ZNF185: variants seen among roughly 807,000 people sequenced by gnomAD.
ZNF185 encodes the protein zinc finger protein 185 with LIM domain, also known as zinc finger protein 185.
In ZNF185, 56 loss-of-function variants were observed where a neutral mutation model predicts 58.6. The ratio of observed to expected loss-of-function variants is 0.95; its 90% confidence interval spans 0.77 to 1.19. The LOEUF (loss-of-function observed/expected upper bound fraction) is 1.19, where lower values mean the gene tolerates loss of function less well. ZNF185 is among the 50% of genes most tolerant of loss of function. The pLI is 0.00. For missense variants in ZNF185, 627 were observed against 573.5 expected, an observed-to-expected ratio of 1.09 and a Z score of -0.95; for synonymous variants, 230 against 215.9, an observed-to-expected ratio of 1.07 and a Z score of -0.57.
intron 15 of ZNF185, chrX:152,941,776 G>C (rs1014977966): frequency 3.4e-6 from 4 of 1,163,302 alleles, no homozygotes; most frequent in Admixed American, 2.6e-5. Flanking sequence ...CCGGCCGCCA[G>C]AGGTCGCCCG....
upstream of ZNF185, among the ~76,000 whole-genome samples, chrX:152,909,736 T>C (rs1450474035): frequency 2.7e-5 from 3 of 112,031 alleles, no homozygotes; most frequent in Non-Finnish European, 5.6e-5. Flanking sequence ...GCTGCAGCAC[T>C]GCGTGGCCCA....
rs1318739774 is a variant in ZNF185 at position 152,917,991 on chromosome X, C to T, written c.342-74C>T. 1.6e-5 allele frequency: 19 copies of T among 1,160,423 alleles called. No individual in the cohort carries two copies. The Admixed American group carries it at 2.6e-4, about 16-fold the overall frequency. On this transcript the variant is annotated intron_variant, in intron 5 of 22. Transcript: ENST00000449285. ...GCTCCTGGTCCACCTCTCATGTGTC[C>T]ACTGGGCTGTGTGGCCAAATCTGGA...
chrX:152,946,710 C>T (rs2047821772), intron 16 of ZNF185, among the ~76,000 whole-genome samples: 1 of 111,934 alleles, frequency 8.9e-6, no homozygotes. Context: ...GAGATTTTGC[C>T]AGATGTGCCA....
At chrX:152,947,315 C>T (rs7886115) in intron 16 of ZNF185, among the ~76,000 whole-genome samples, 25,668 of 110,078 alleles carry the variant, frequency 0.23, 2,267 homozygotes, top group South Asian at 0.39. Context: ...CCTTGCACGT[C>T]GAGGATACAG....
chrX:152,933,038 C>A, intron 14 of ZNF185, 67 bp downstream of exon 15: 2 of 783,265 alleles, frequency 2.6e-6, no homozygotes, highest in African/African-American at 2.1e-5. Flanking sequence ...AGCTGCCAGG[C>A]TGCTTGGGCT....
chrX:152,908,628 C>G, the ZNF185 span, among the ~76,000 whole-genome samples: 3 of 112,688 alleles, frequency 2.7e-5, no homozygotes, highest in East Asian at 8.4e-4. Context: ...GTGTCTCCTC[C>G]CTCCAGCGGG....
intron 17 of ZNF185, among the ~76,000 whole-genome samples, chrX:152,962,968 C>A (rs946769073): frequency 1.8e-5 from 2 of 113,269 alleles, no homozygotes; most frequent in Admixed American, 1.9e-4. Flanking sequence ...ATGGAGGCAG[C>A]CATATCTGGA....
chrX:152,953,200 C>G (rs1269559779), intron 16 of ZNF185, among the ~76,000 whole-genome samples: 2 of 111,412 alleles, frequency 1.8e-5, no homozygotes, highest in Non-Finnish European at 3.8e-5. Flanking sequence ...AACTTCTATC[C>G]AGGACGATTC....
the ZNF185 span, among the ~76,000 whole-genome samples, chrX:152,908,177 C>T: frequency 3.6e-5 from 4 of 112,447 alleles, no homozygotes; most frequent in Non-Finnish European, 7.5e-5. Flanking sequence ...AGGCCACAGC[C>T]CATGGGGACA....
chrX:152,957,457 G>A (rs1463613933), intron 16 of ZNF185, among the ~76,000 whole-genome samples: 1 of 111,962 alleles, frequency 8.9e-6, no homozygotes, highest in African/African-American at 3.3e-5. Context: ...GAGCCCAGAA[G>A]GAGTCTAGAG....
In ZNF185 at chrX:152,915,131, C is replaced by A. The variant is rs1556864779; in HGVS notation, c.159-7C>A. ...AGCCAATCCTTCAGGATGCCTCTTT[C>A]CCCCAGAGAGCTGCCCTCAGGCCGG... On this transcript the variant is annotated splice_polypyrimidine_tract_variant and splice_region_variant and intron_variant, in intron 2 of 22. Coordinates refer to ENST00000449285, the Ensembl canonical transcript of ZNF185. 1 of 1,209,441 alleles carries A rather than the reference C, an allele frequency of 8.3e-7. No individual in the cohort carries two copies. Among genetic ancestry groups the A allele is most frequent in the Non-Finnish European group, 1.1e-6 (1 of 894,561 alleles).
intron 22 of ZNF185, among the ~76,000 whole-genome samples, chrX:152,970,769 G>A (rs1556918691): frequency 1.8e-5 from 2 of 111,082 alleles, no homozygotes; most frequent in East Asian, 2.8e-4. Context: ...CACACCTTCC[G>A]TCCAGCACCT....
chrX:152,973,133 A>G (rs2050742480), exon 23 of ZNF185: 1 of 111,707 alleles, frequency 9.0e-6, no homozygotes, highest in Admixed American at 9.5e-5. Context: ...AATAAAAGTC[A>G]CCCCGTTGGT....
At chrX:152,958,216 T>C (rs1191197871) in intron 16 of ZNF185, among the ~76,000 whole-genome samples, 3 of 111,292 alleles carry the variant, frequency 2.7e-5, no homozygotes, top group African/African-American at 9.8e-5. Flanking sequence ...CCATGGAATG[T>C]TGATGGTAAG....
chrX:152,925,500 C>T (rs1167160000), intron 11 of ZNF185, among the ~76,000 whole-genome samples: 4 of 112,166 alleles, frequency 3.6e-5, no homozygotes, highest in Non-Finnish European at 7.5e-5. Flanking sequence ...GATTCAGGGT[C>T]CGGGGCAAGC....
intron 17 of ZNF185, among the ~76,000 whole-genome samples, chrX:152,961,408 G>A (rs1370559447): frequency 2.7e-5 from 3 of 112,256 alleles, no homozygotes; most frequent in Non-Finnish European, 5.6e-5. Context: ...TTTCCCTCTG[G>A]TCCTTTTCTG....
exon 7 of ZNF185, chrX:152,919,045 A>T (rs781990001): frequency 1.7e-6 from 2 of 1,201,204 alleles, no homozygotes; most frequent in Non-Finnish European, 2.3e-6. Context: ...GAGGAGGAGG[A>T]GGTGGTGCCA....
the ZNF185 span, among the ~76,000 whole-genome samples, chrX:152,907,247 A>C: frequency 8.9e-6 from 1 of 112,164 alleles, no homozygotes. Context: ...GGGAATCTGC[A>C]TGCATCAGCC....
exon 15 of ZNF185, chrX:152,938,102 C>G (rs1556884159): frequency 3.4e-6 from 4 of 1,183,214 alleles, no homozygotes; most frequent in Non-Finnish European, 4.5e-6. Context: ...CTCTGCTGTC[C>G]CTGCTGATAG....
Sources: gnomAD v4.1 joint callset for allele counts (sites outside exome capture counted in the v4.1 genomes callset) on GRCh38, gnomAD v4.1.1 for gene constraint, MANE v1.5 for transcripts, NCBI Gene and HGNC (gene_info 2026-07-23, HGNC 2026-07-21) for gene names.